The following KLHL18 variants were observed in gnomAD, a reference collection of about 807,000 sequenced individuals.
The protein encoded by KLHL18 is kelch like family member 18.
A neutral mutation model predicts 58.5 loss-of-function variants in KLHL18; 38 were observed. The ratio of observed to expected loss-of-function variants is 0.65; its 90% CI spans 0.50 to 0.85. KLHL18 has a LOEUF of 0.85. KLHL18 is among the 40% of genes least tolerant of loss of function. The probability of loss-of-function intolerance (pLI) is 0.00; values close to 1 mark genes in which losing one functional copy is unlikely to be tolerated. For synonymous variants in KLHL18, 303 were observed against 301.9 expected (o/e 1.00, Z -0.04); for missense variants, 624 against 778.4 (o/e 0.80, Z 2.36).
intron 1 of KLHL18, among the ~76,000 whole-genome samples, chr3:47,304,750 G>A (rs940529464): frequency 3.4e-4 from 51 of 152,034 alleles, no homozygotes; most frequent in African/African-American, 1.1e-3. Context: ...CAGGCCAGGC[G>A]CTGTGGCTCA....
At chr3:47,304,740 C>T (rs1298548017) in intron 1 of KLHL18, among the ~76,000 whole-genome samples, 2 of 151,984 alleles carry the variant, frequency 1.3e-5, no homozygotes, top group African/African-American at 4.8e-5. Flanking sequence ...TAAATAATGT[C>T]AGGCCAGGCG....
chr3:47,296,961 C>G (rs1161707523), intron 1 of KLHL18, among the ~76,000 whole-genome samples: 1 of 152,188 alleles, frequency 6.6e-6, no homozygotes, highest in Non-Finnish European at 1.5e-5. Context: ...CCACTTCTCT[C>G]CCTTCCTCTG....
intron 5 of KLHL18, among the ~76,000 whole-genome samples, chr3:47,333,796 C>G (rs1030184831): frequency 3.3e-5 from 5 of 152,186 alleles, no homozygotes; most frequent in Non-Finnish European, 7.3e-5. Context: ...ACATGTTTAC[C>G]AACACATGAA....
chr3:47,322,527 C>T (rs753350842), intron 2 of KLHL18, 41 bp from the exon 3 acceptor site: 18 of 1,537,696 alleles, frequency 1.2e-5, no homozygotes, highest in East Asian at 7.1e-5. Flanking sequence ...GGCCAAGACT[C>T]GTCTCTGAAA....
rs1704135513 is a variant in KLHL18 at position 47,342,726 on chromosome 3, G to A, written c.1234G>A (p.Val412Met). The change falls in exon 9 of 10, where the codon GTG (valine) becomes ATG (methionine). Residue 412 changes from valine to methionine, a missense_variant. Transcript: ENST00000232766. ...TTTGACTCTTTCCTGAAGATGGACA[G>A]TGGTGACCTCGATGAGCTCGAATCG... is the stretch of plus-strand genomic sequence containing the variant. Reference protein sequence around the residue: ...TYSPETDKWTVVTSMSSNRSA... With the variant: ...TYSPETDKWTMVTSMSSNRSA... 6.2e-7 allele frequency: 1 copy of A among 1,614,024 alleles called. No individual in the cohort carries two copies. Among genetic ancestry groups the A allele is most frequent in the East Asian group, 2.2e-5 (1 of 44,886 alleles).
intron 1 of KLHL18, among the ~76,000 whole-genome samples, chr3:47,300,119 C>T (rs1442064911): frequency 6.6e-6 from 1 of 151,090 alleles, no homozygotes; most frequent in African/African-American, 2.4e-5. Flanking sequence ...TCTTCCCTCC[C>T]GCTGTCTTCC....
At chr3:47,340,722 G>C in intron 8 of KLHL18, 46 bp downstream of exon 8, 1 of 1,609,394 alleles carries the variant, frequency 6.2e-7, no homozygotes, top group African/African-American at 1.3e-5. Context: ...TATAAACAGA[G>C]AGTATAAAAA....
At chr3:47,284,337 C>CTTT (rs767276527) in intron 1 of KLHL18, among the ~76,000 whole-genome samples, 3,617 of 127,060 alleles carry the variant, frequency 0.028, 109 homozygotes, top group Non-Finnish European at 0.043. Flanking sequence ...TTTCTTTTTT[C>CTTT]TTTTTTTTTT....
chr3:47,343,896 T>G lies in KLHL18; in HGVS notation c.1680T>G (p.His560Gln). 2.5e-6 allele frequency: 4 copies of G among 1,614,036 alleles called. No homozygotes were observed. Among genetic ancestry groups the G allele is most frequent in the Non-Finnish European group, 2.5e-6 (3 of 1,179,992 alleles). ...CWTFMAPMAC[H>Q]EGGVGVGCIP... ...CATTCATGGCCCCCATGGCGTGCCATGAGGGAGGGGTCGGTGTGGGCTGCA... is the reference window on the plus strand; with the variant it reads ...CATTCATGGCCCCCATGGCGTGCCAGGAGGGAGGGGTCGGTGTGGGCTGCA... The change falls in exon 10 of 10, where the codon CAT becomes CAG. Residue 560 changes from histidine (H) to glutamine (Q), a missense_variant. His to Gln is a conservative substitution (Grantham distance 24, BLOSUM62 0). Coordinates refer to ENST00000232766, the MANE Select transcript of KLHL18 (RefSeq NM_025010.5).
chr3:47,325,250 T>A (rs1390871314), intron 3 of KLHL18, among the ~76,000 whole-genome samples: 1 of 151,954 alleles, frequency 6.6e-6, no homozygotes, highest in Admixed American at 6.6e-5. Context: ...CAGGCTGGAG[T>A]GCAGTGGCGC....
At chr3:47,321,089 T>C (rs1042560074) in intron 2 of KLHL18, among the ~76,000 whole-genome samples, 2 of 152,174 alleles carry the variant, frequency 1.3e-5, no homozygotes, top group African/African-American at 2.4e-5. Flanking sequence ...ACATCCATGA[T>C]GAGCACAGCT....
intron 3 of KLHL18, among the ~76,000 whole-genome samples, chr3:47,327,462 T>C (rs1703753085): frequency 6.6e-6 from 1 of 152,238 alleles, no homozygotes; most frequent in African/African-American, 2.4e-5. Flanking sequence ...GTCAAAGTGT[T>C]AGGAAATAGT....
intron 1 of KLHL18, chr3:47,297,488 G>C (rs778419702): frequency 4.4e-6 from 2 of 453,710 alleles, no homozygotes; most frequent in Admixed American, 4.7e-5. Context: ...GGAATGCACT[G>C]TTACCCTGGG....
intron 3 of KLHL18, among the ~76,000 whole-genome samples, chr3:47,326,506 C>T (rs1703725841): frequency 6.6e-6 from 1 of 152,196 alleles, no homozygotes. Flanking sequence ...CCCTCCTCCT[C>T]TTGCATGGGC....
intron 1 of KLHL18, among the ~76,000 whole-genome samples, chr3:47,303,672 C>G (rs1703074891): frequency 6.6e-6 from 1 of 152,154 alleles, no homozygotes; most frequent in Non-Finnish European, 1.5e-5. Flanking sequence ...ATTCTCCTGT[C>G]TTGGCCTCCT....
chr3:47,336,652 A>G lies in KLHL18; in HGVS notation c.1016A>G (p.Tyr339Cys), dbSNP rs139680090. The G allele has an allele frequency of 3.7e-6, 6 of 1,614,130 alleles. No homozygotes were observed. Among genetic ancestry groups the G allele is most frequent in the African/African-American group, 1.3e-5 (1 of 74,944 alleles). Residue 339 changes from tyrosine (Y) to cysteine (C), a missense_variant, in exon 7 of 10, where the codon TAT becomes TGT. Physicochemically the swap from Tyr to Cys is radical, Grantham distance 194. Coordinates refer to ENST00000232766, the MANE Select transcript of KLHL18 (RefSeq NM_025010.5). ...VGVAVVNGLL[Y>C]AIGGYDGQLR... ...GTGGCTGTGGTGAACGGGCTTCTCTATGCCATCGGAGGATATGACGGCCAG... is the reference window on the plus strand; with the variant it reads ...GTGGCTGTGGTGAACGGGCTTCTCTGTGCCATCGGAGGATATGACGGCCAG...
In KLHL18 at chr3:47,343,938, C is replaced by CT; in HGVS notation, c.1723dup (p.Ter575LeufsTer38). ...TGGGCTGCATCCCTCTCCTCACCAT[C>CT]TAAGGCAGAGGATGGGATGTGGTGG... On this transcript the variant is annotated frameshift_variant, in exon 10 of 10. Coordinates refer to ENST00000232766, the MANE Select transcript of KLHL18 (RefSeq NM_025010.5). LOFTEE classifies it high-confidence loss of function. 6.2e-7 allele frequency: 1 copy of CT among 1,613,050 alleles called. No individual in the cohort carries two copies. Among genetic ancestry groups the CT allele is most frequent in the Non-Finnish European group, 8.5e-7 (1 of 1,179,950 alleles).
intron 1 of KLHL18, among the ~76,000 whole-genome samples, chr3:47,307,231 G>A (rs950953540): frequency 2.6e-5 from 4 of 151,908 alleles, no homozygotes; most frequent in East Asian, 1.9e-4. Context: ...GCCACCACAC[G>A]TGGCTAATTT....
intron 1 of KLHL18, among the ~76,000 whole-genome samples, chr3:47,312,974 A>G (rs976127970): frequency 2.7e-5 from 4 of 146,952 alleles, no homozygotes; most frequent in South Asian, 2.1e-4. Flanking sequence ...CAGTGGCGCA[A>G]TCTCGGCTCA....
Sources: gnomAD v4.1 joint callset for allele counts (sites outside exome capture counted in the v4.1 genomes callset) on GRCh38, gnomAD v4.1.1 for gene constraint, MANE v1.5 for transcripts, NCBI Gene and HGNC (gene_info 2026-07-23, HGNC 2026-07-21) for gene names.